The following PLEKHB2 variants were observed in gnomAD, a reference collection of about 807,000 sequenced individuals.
PLEKHB2 encodes the protein pleckstrin homology domain containing B2.
Under a neutral mutation model 36.5 loss-of-function variants are expected in PLEKHB2, and 31 were observed. That is an observed-to-expected ratio of 0.85 (90% confidence interval 0.64 to 1.15). The LOEUF (loss-of-function observed/expected upper bound fraction) is 1.15, where lower values mean the gene tolerates loss of function less well. Among genes scored for constraint, PLEKHB2 ranks in the 50% most tolerant of loss-of-function variants. The probability of loss-of-function intolerance (pLI) is 0.00; values close to 1 mark genes in which losing one functional copy is unlikely to be tolerated. For synonymous variants in PLEKHB2, 119 were observed against 112.0 expected (o/e 1.06, Z -0.39); for missense variants, 262 against 295.3 (o/e 0.89, Z 0.83).
chr2:131,107,069 G>A (rs746301396), intron 1 of PLEKHB2, among the ~76,000 whole-genome samples: 1 of 152,140 alleles, frequency 6.6e-6, no homozygotes, highest in African/African-American at 2.4e-5. Flanking sequence ...CTTTCTGAAA[G>A]CTTTGCTTAT....
At chr2:131,132,142 T>G (rs549730848) in intron 5 of PLEKHB2, among the ~76,000 whole-genome samples, 1 of 152,192 alleles carries the variant, frequency 6.6e-6, no homozygotes, top group South Asian at 2.1e-4. Flanking sequence ...CTTTTTCTTT[T>G]TTTTTAAAGA....
intron 1 of PLEKHB2, 36 bp from the exon 2 acceptor site, chr2:131,120,898 G>A: frequency 1.2e-6 from 2 of 1,604,596 alleles, no homozygotes; most frequent in Non-Finnish European, 1.7e-6. Context: ...TCTCTTTCTG[G>A]GTATGATTTT....
intron 2 of PLEKHB2, among the ~76,000 whole-genome samples, chr2:131,125,469 A>G (rs1559073913): frequency 6.6e-6 from 1 of 152,188 alleles, no homozygotes; most frequent in African/African-American, 2.4e-5. Context: ...GGCCAGGGGA[A>G]GAGTTCTTTT....
intron 2 of PLEKHB2, among the ~76,000 whole-genome samples, chr2:131,123,931 C>G (rs1450746115): frequency 1.3e-5 from 2 of 151,678 alleles, no homozygotes; most frequent in Admixed American, 1.3e-4. Context: ...TCACTACAGC[C>G]TTGATCTTCC....
intron 6 of PLEKHB2, among the ~76,000 whole-genome samples, chr2:131,139,221 T>C (rs575486530): frequency 5.9e-5 from 9 of 152,164 alleles, no homozygotes; most frequent in Admixed American, 1.3e-4. Context: ...GTTTGGGATG[T>C]GTGAAGCAAA....
At chr2:131,115,022 G>A (rs1482334853) in intron 1 of PLEKHB2, among the ~76,000 whole-genome samples, 4 of 152,140 alleles carry the variant, frequency 2.6e-5, no homozygotes, top group African/African-American at 7.2e-5. Context: ...CCCAAGACTG[G>A]GTGATTTATA....
At chr2:131,123,198 C>T (rs1282305292) in intron 2 of PLEKHB2, among the ~76,000 whole-genome samples, 1 of 152,126 alleles carries the variant, frequency 6.6e-6, no homozygotes, top group Non-Finnish European at 1.5e-5. Flanking sequence ...TGTATATAAC[C>T]CCATCCCCAT....
chr2:131,106,464 A>T lies in PLEKHB2; in HGVS notation c.-9+1066A>T, dbSNP rs1305798201. The stretch of plus-strand genomic sequence containing the variant: ...AGCTGGCACTGGTAACTGCCTGTTT[A>T]GTGTGGCCCTCAGTATTTGTTGACT... On this transcript the variant is annotated intron_variant, in intron 1 of 7. Transcript: ENST00000693505. 3.3e-5 allele frequency among the ~76,000 whole-genome samples: 5 copies of T among 152,172 alleles called. 1 individual carries two copies. Among genetic ancestry groups the T allele is most frequent in the Non-Finnish European group, 7.3e-5 (5 of 68,028 alleles).
At chr2:131,139,211 G>A (rs1406037573) in intron 6 of PLEKHB2, among the ~76,000 whole-genome samples, 2 of 152,108 alleles carry the variant, frequency 1.3e-5, no homozygotes, top group Non-Finnish European at 2.9e-5. Context: ...CCATTATCTA[G>A]TTTGGGATGT....
intron 1 of PLEKHB2, chr2:131,120,248 AG>A (rs955996073): frequency 6.6e-5 from 10 of 152,548 alleles, no homozygotes; most frequent in African/African-American, 2.4e-4. Flanking sequence ...TACAGGCATG[AG>A]CTGCTGCGCC....
intron 6 of PLEKHB2, 103 bp from the exon 7 acceptor site, chr2:131,140,064 T>A: frequency 1.5e-6 from 1 of 652,502 alleles, no homozygotes; most frequent in Admixed American, 3.3e-5. Context: ...TTGTTTTTTT[T>A]AATTGACTGT....
intron 6 of PLEKHB2, among the ~76,000 whole-genome samples, chr2:131,135,179 C>G (rs1473260418): frequency 1.3e-5 from 2 of 152,046 alleles, no homozygotes; most frequent in Admixed American, 1.3e-4. Flanking sequence ...TCAAGCGATT[C>G]TCCTGCCTCA....
At chr2:131,111,360 C>CT (rs770158112) in intron 1 of PLEKHB2, among the ~76,000 whole-genome samples, 2,723 of 111,562 alleles carry the variant, frequency 0.024, 57 homozygotes, top group African/African-American at 0.063. Context: ...ATCTCTTGGT[C>CT]TTTTTTTTTT....
At chr2:131,109,874 G>A (rs1290690648) in intron 1 of PLEKHB2, among the ~76,000 whole-genome samples, 2 of 152,058 alleles carry the variant, frequency 1.3e-5, no homozygotes, top group African/African-American at 4.8e-5. Context: ...CAGCACTTTG[G>A]GATGCCAAGG....
Position 131,120,928 on chromosome 2 carries a change from C to T in PLEKHB2, c.-8-6C>T. On this transcript the variant is annotated splice_polypyrimidine_tract_variant and splice_region_variant and intron_variant, in intron 1 of 7. Transcript: ENST00000693505. ...GATTTTGAACCTGCCTGTTTTTGTT[C>T]TGTAGGTGAAGAGATGGCGTTTGTG... 9.9e-6 allele frequency: 16 copies of T among 1,614,022 alleles called. No individual in the cohort carries two copies. The highest frequency in any genetic ancestry group is 1.4e-5 in the Non-Finnish European group (16 of 1,179,864).
chr2:131,135,379 CTT>C (rs1434005798), intron 6 of PLEKHB2, among the ~76,000 whole-genome samples: 1 of 152,144 alleles, frequency 6.6e-6, no homozygotes, highest in African/African-American at 2.4e-5. Context: ...CGCCTGTAAA[CTT>C]TCTAAGCTCA....
chr2:131,105,442 C>A (rs72863228), intron 1 of PLEKHB2, 44 bp downstream of exon 1: 1 of 153,064 alleles, frequency 6.5e-6, no homozygotes, highest in Non-Finnish European at 1.5e-5. Flanking sequence ...CTCCTTTCCC[C>A]TCTGGCCCGC....
rs1031143588 is a variant in PLEKHB2, at chr2:131,114,674, A to C, written c.-8-6260A>C. 3.3e-5 allele frequency among the ~76,000 whole-genome samples: 5 copies of C among 152,152 alleles called. No individual in the cohort carries two copies. The South Asian group carries it at 8.3e-4, about 25-fold the overall frequency. On this transcript the variant is annotated intron_variant, in intron 1 of 7. Transcript: ENST00000693505. ...TCAAACTTCCACAGATCTCTAGGAC[A>C]GGGACAAAATACCACCAGTCTCTTT...
At chr2:131,107,565 C>G (rs774334669) in intron 1 of PLEKHB2, 6 of 152,250 alleles carry the variant, frequency 3.9e-5, no homozygotes, top group Non-Finnish European at 8.8e-5. Flanking sequence ...CGAAAGAGAG[C>G]TGGAGAACTG....
Sources: allele counts gnomAD v4.1 joint callset (sites outside exome capture counted in the v4.1 genomes callset), GRCh38; gene constraint gnomAD v4.1.1; transcripts MANE v1.5; gene names NCBI Gene and HGNC (gene_info 2026-07-23, HGNC 2026-07-21).